MAP4K5: variants seen among roughly 807,000 people sequenced by gnomAD.
MAP4K5 encodes mitogen-activated protein kinase kinase kinase kinase 5, also known as MAPK/ERK kinase kinase kinase 5.
A neutral mutation model predicts 135.6 loss-of-function variants in MAP4K5; 82 were observed. That is an observed-to-expected ratio of 0.60 (90% CI 0.51 to 0.73). The LOEUF (loss-of-function observed/expected upper bound fraction) is 0.73, where lower values mean the gene tolerates loss of function less well. Ranked by LOEUF, MAP4K5 falls within the 30% of genes least tolerant of loss-of-function variation. MAP4K5 has a pLI of 0.00. For synonymous variants in MAP4K5, 347 were observed against 335.0 expected, an observed-to-expected ratio of 1.04 and a Z score of -0.39; for missense variants, 907 against 1,010.9, an observed-to-expected ratio of 0.90 and a Z score of 1.39.
intron 2 of MAP4K5, among the ~76,000 whole-genome samples, chr14:50,529,229 A>AC (rs58119542): frequency 6.6e-6 from 1 of 152,046 alleles, no homozygotes; most frequent in African/African-American, 2.4e-5. Flanking sequence ...CTAAAAAAAA[A>AC]TACAAAAATT....
chr14:50,439,969 T>C, intron 23 of MAP4K5, 44 bp downstream of exon 23: 1 of 1,412,578 alleles, frequency 7.1e-7, no homozygotes, highest in Non-Finnish European at 9.6e-7. Context: ...AAAATTACAT[T>C]TCTCTGCTTA....
rs1353866431 is a variant in MAP4K5 at position 50,420,048 on chromosome 14, T to C, written c.2512A>G (p.Ile838Val). The C allele has an allele frequency of 2.5e-6, 4 of 1,610,652 alleles. No individual in the cohort carries two copies. Among genetic ancestry groups the C allele is most frequent in the Non-Finnish European group, 3.4e-6 (4 of 1,178,362 alleles). ...ENPTAHSNLYILAGHENSY is the reference protein window; with the variant it reads ...ENPTAHSNLYVLAGHENSY ...TAACTATTTTCATGTCCAGCCAAGA[T>C]GTAGAGATTGCTGTGTGCAGTAGGA... The change falls in exon 33 of 33, where the codon ATC (isoleucine) becomes GTC (valine). Residue 838 changes from isoleucine (I) to valine (V), a missense_variant. Coordinates refer to ENST00000682126, the MANE Select transcript of MAP4K5 (RefSeq NM_006575.6).
chr14:50,475,903 T>A (rs1358022859), intron 8 of MAP4K5, among the ~76,000 whole-genome samples: 2 of 152,234 alleles, frequency 1.3e-5, no homozygotes, highest in East Asian at 1.9e-4. Flanking sequence ...ACAAGTAATA[T>A]TATGGTTAAT....
At chr14:50,501,940 G>A (rs531181836) in intron 3 of MAP4K5, among the ~76,000 whole-genome samples, 24 of 152,180 alleles carry the variant, frequency 1.6e-4, no homozygotes, top group Admixed American at 3.9e-4. Flanking sequence ...AGAGCTTGGC[G>A]TATATTAGGT....
intron 11 of MAP4K5, among the ~76,000 whole-genome samples, chr14:50,464,778 A>G (rs937645692): frequency 6.6e-6 from 1 of 152,240 alleles, no homozygotes; most frequent in African/African-American, 2.4e-5. Context: ...TTTATCAGCA[A>G]TGACAACCAC....
chr14:50,431,446 C>A (rs1287961520), intron 28 of MAP4K5, among the ~76,000 whole-genome samples: 2 of 152,070 alleles, frequency 1.3e-5, no homozygotes, highest in Non-Finnish European at 2.9e-5. Flanking sequence ...TGTTCCCCTT[C>A]CTGTGTCCAT....
At chr14:50,465,307 C>CA (rs1196322098) in intron 11 of MAP4K5, among the ~76,000 whole-genome samples, 1 of 152,016 alleles carries the variant, frequency 6.6e-6, no homozygotes, top group Non-Finnish European at 1.5e-5. Flanking sequence ...CACAGATCCT[C>CA]AAAGATCTAT....
intron 3 of MAP4K5, among the ~76,000 whole-genome samples, chr14:50,503,775 C>T (rs2037754409): frequency 6.6e-6 from 1 of 152,018 alleles, no homozygotes; most frequent in South Asian, 2.1e-4. Context: ...TCTTTGTTTT[C>T]TCTGAGAGCA....
chr14:50,560,425 G>A, intron 1 of MAP4K5: 1 of 1,268,048 alleles, frequency 7.9e-7, no homozygotes, highest in Non-Finnish European at 1.1e-6. Flanking sequence ...GAGACGGGCC[G>A]TAGCCGAGCC....
In MAP4K5 at chr14:50,445,118, G is replaced by A. The variant is rs1332603740; in HGVS notation, c.1262C>T (p.Ser421Leu). The A allele has an allele frequency of 6.2e-7, 1 of 1,613,698 alleles. No individual in the cohort carries two copies. Among genetic ancestry groups the A allele is most frequent in the East Asian group, 2.2e-5 (1 of 44,852 alleles). The stretch of plus-strand genomic sequence containing the variant: ...GAGAATTTGGGGAGCTCTGCTTTCT[G>A]AATCAGGACAATGTTTTATGGTTGA... ...KASTIKHCPD[S>L]ESRAPQILRR... The change falls in exon 18 of 33, where the codon TCA becomes TTA. Residue 421 changes from serine (S) to leucine (L), a missense_variant. Ser to Leu is a moderately radical substitution (Grantham distance 145). This residue lies in a region of MAP4K5 where 690 missense variants were observed against 777.4 expected (regional missense o/e 0.89). Coordinates refer to ENST00000682126, the MANE Select transcript of MAP4K5 (RefSeq NM_006575.6).
At chr14:50,550,696 T>C (rs1041994533) in intron 1 of MAP4K5, among the ~76,000 whole-genome samples, 3 of 152,302 alleles carry the variant, frequency 2.0e-5, no homozygotes, top group South Asian at 2.1e-4. Flanking sequence ...TTATATCAAG[T>C]ATCTTCTCAG....
At chr14:50,483,067 A>G (rs1417793765) in intron 5 of MAP4K5, 1 of 152,264 alleles carries the variant, frequency 6.6e-6, no homozygotes, top group Non-Finnish European at 1.5e-5. Context: ...TCAAAAATAA[A>G]GAAATACATA....
At chr14:50,489,697 A>C (rs1209924475) in intron 3 of MAP4K5, among the ~76,000 whole-genome samples, 1 of 152,194 alleles carries the variant, frequency 6.6e-6, no homozygotes, top group Non-Finnish European at 1.5e-5. Context: ...AGCCAAAGGA[A>C]CCAGGGTGAA....
chr14:50,488,225 T>A (rs766179891), intron 3 of MAP4K5, among the ~76,000 whole-genome samples: 5 of 151,944 alleles, frequency 3.3e-5, no homozygotes, highest in Non-Finnish European at 5.9e-5. Flanking sequence ...TATAAAACCA[T>A]CAGATCTCAT....
intron 28 of MAP4K5, among the ~76,000 whole-genome samples, chr14:50,433,147 T>C (rs946367096): frequency 6.6e-6 from 1 of 152,150 alleles, no homozygotes; most frequent in African/African-American, 2.4e-5. Flanking sequence ...TGGGGAAATA[T>C]TTCTATTTGG....
chr14:50,511,492 T>C (rs1046739391), intron 2 of MAP4K5, among the ~76,000 whole-genome samples: 1 of 152,148 alleles, frequency 6.6e-6, no homozygotes, highest in Non-Finnish European at 1.5e-5. Flanking sequence ...TAGTGTTCTA[T>C]ACTACTACTA....
At chr14:50,425,649 TTTACAAA>T in intron 31 of MAP4K5, among the ~76,000 whole-genome samples, 1 of 152,336 alleles carries the variant, frequency 6.6e-6, no homozygotes, top group East Asian at 1.9e-4. Flanking sequence ...AGCAACCATA[TTTACAAA>T]TTACAAATTA....
chr14:50,420,677 A>G (rs1489512349), intron 32 of MAP4K5, among the ~76,000 whole-genome samples: 1 of 152,160 alleles, frequency 6.6e-6, no homozygotes, highest in East Asian at 1.9e-4. Context: ...TTATGCCAAC[A>G]AAAGGTATAA....
intron 2 of MAP4K5, among the ~76,000 whole-genome samples, chr14:50,521,648 C>T (rs1366864813): frequency 1.3e-5 from 2 of 152,152 alleles, no homozygotes; most frequent in African/African-American, 2.4e-5. Context: ...ATTTCATTTT[C>T]ATAAATATGT....
Sources: gnomAD v4.1 joint callset for allele counts (sites outside exome capture counted in the v4.1 genomes callset) on GRCh38, gnomAD v4.1.1 for gene constraint, gnomAD v4.1.1 regional missense constraint, MANE v1.5 for transcripts, NCBI Gene and HGNC (gene_info 2026-07-23, HGNC 2026-07-21) for gene names.